The following LRMDA variants were observed in gnomAD, a reference collection of about 807,000 sequenced individuals.
The protein encoded by LRMDA is leucine rich melanocyte differentiation associated, also known as leucine-rich melanocyte differentiation-associated protein.
A neutral mutation model predicts 29.8 loss-of-function variants in LRMDA; 18 were observed. That is an observed-to-expected ratio of 0.60 (90% CI 0.42 to 0.90). The LOEUF is 0.90. Ranked by LOEUF, LRMDA falls within the 40% of genes least tolerant of loss-of-function variation. LRMDA has a pLI of 0.00. For missense variants in LRMDA, 273 were observed against 273.9 expected (o/e 1.00, Z 0.02); for synonymous variants, 125 against 109.4 (o/e 1.14, Z -0.89).
chr10:75,743,987 C>T (rs1461733692), intron 2 of LRMDA, among the ~76,000 whole-genome samples: 1 of 152,160 alleles, frequency 6.6e-6, no homozygotes, highest in Non-Finnish European at 1.5e-5. Flanking sequence ...TAGGGGGTTT[C>T]CTGAGCTGCA....
intron 2 of LRMDA, among the ~76,000 whole-genome samples, chr10:75,558,402 T>C (rs1177405273): frequency 6.6e-6 from 1 of 152,194 alleles, no homozygotes; most frequent in Non-Finnish European, 1.5e-5. Flanking sequence ...CTTCAGTGTT[T>C]ACTTGACTTG....
intron 2 of LRMDA, among the ~76,000 whole-genome samples, chr10:75,658,238 G>A (rs1169235484): frequency 6.7e-6 from 1 of 149,094 alleles, no homozygotes; most frequent in Admixed American, 6.7e-5. Flanking sequence ...ACTGCACGCT[G>A]TGTGAATGAG....
chr10:75,698,968 A>C (rs900967871), intron 2 of LRMDA, among the ~76,000 whole-genome samples: 3 of 152,178 alleles, frequency 2.0e-5, no homozygotes, highest in Non-Finnish European at 4.4e-5. Flanking sequence ...TGGGAGGCTG[A>C]GGCGGGTGGA....
At chr10:75,863,236 G>A (rs544129241) in intron 2 of LRMDA, among the ~76,000 whole-genome samples, 2 of 152,160 alleles carry the variant, frequency 1.3e-5, no homozygotes, top group Non-Finnish European at 2.9e-5. Flanking sequence ...GTTAGCGTTG[G>A]GGGGAGGGGA....
At chr10:76,177,176 CGGA>C (rs1850952331) in intron 5 of LRMDA, among the ~76,000 whole-genome samples, 1 of 152,286 alleles carries the variant, frequency 6.6e-6, no homozygotes, top group East Asian at 1.9e-4. Flanking sequence ...GCTTTTTAAT[CGGA>C]GAAGAATTTC....
At chr10:76,238,202 A>G (rs950942837) in intron 5 of LRMDA, among the ~76,000 whole-genome samples, 9 of 152,184 alleles carry the variant, frequency 5.9e-5, no homozygotes, top group Non-Finnish European at 1.0e-4. Flanking sequence ...CTAGAGGGGA[A>G]GAGAGAAACT....
At chr10:76,289,129 C>T (rs1840307782) in intron 5 of LRMDA, among the ~76,000 whole-genome samples, 1 of 152,106 alleles carries the variant, frequency 6.6e-6, no homozygotes, top group Non-Finnish European at 1.5e-5. Context: ...GATTAGAGAA[C>T]ATTGATGGTA....
At chr10:76,018,723 A>ATGTG (rs3042523) in intron 2 of LRMDA, among the ~76,000 whole-genome samples, 88,840 of 151,252 alleles carry the variant, frequency 0.59, 26,537 homozygotes, top group South Asian at 0.66. Context: ...GTGCGCCACC[A>ATGTG]TGTGCAGCTG....
intron 5 of LRMDA, among the ~76,000 whole-genome samples, chr10:76,290,084 C>T (rs528946780): frequency 1.3e-5 from 2 of 152,286 alleles, no homozygotes; most frequent in South Asian, 2.1e-4. Context: ...TTCATGCATA[C>T]CTATCCCTGC....
intron 6 of LRMDA, among the ~76,000 whole-genome samples, chr10:76,450,511 G>C (rs1842395276): frequency 6.6e-6 from 1 of 151,730 alleles, no homozygotes; most frequent in Admixed American, 6.6e-5. Flanking sequence ...TCTTTCTCTG[G>C]GGCAATTTCT....
chr10:75,506,196 A>AC (rs1423326549), intron 2 of LRMDA, among the ~76,000 whole-genome samples: 2 of 152,116 alleles, frequency 1.3e-5, no homozygotes, highest in African/African-American at 4.8e-5. Flanking sequence ...AGGCTGAGTG[A>AC]CCCCAAACAT....
intron 5 of LRMDA, among the ~76,000 whole-genome samples, chr10:76,267,703 G>T (rs1343637013): frequency 6.6e-6 from 1 of 152,164 alleles, no homozygotes; most frequent in Non-Finnish European, 1.5e-5. Context: ...ATTCTGGAAT[G>T]AAGATGTGGA....
intron 5 of LRMDA, among the ~76,000 whole-genome samples, chr10:76,144,029 G>C (rs181635051): frequency 0.013 from 2,009 of 152,164 alleles, 38 homozygotes; most frequent in African/African-American, 0.046. Context: ...TCTGAGGGCT[G>C]TGTTCTGTTC....
intron 6 of LRMDA, among the ~76,000 whole-genome samples, chr10:76,477,379 C>G (rs1185991852): frequency 6.6e-6 from 1 of 152,062 alleles, no homozygotes; most frequent in Non-Finnish European, 1.5e-5. Context: ...GAACTACAAA[C>G]CACTGCTCAA....
At chr10:76,446,426 A>G (rs1357655646) in intron 6 of LRMDA, among the ~76,000 whole-genome samples, 1 of 152,206 alleles carries the variant, frequency 6.6e-6, no homozygotes, top group Non-Finnish European at 1.5e-5. Context: ...TTGTGTCTGT[A>G]CTGAACATGA....
At chr10:76,217,805 A>G (rs1192132517) in intron 5 of LRMDA, among the ~76,000 whole-genome samples, 1 of 152,174 alleles carries the variant, frequency 6.6e-6, no homozygotes, top group Non-Finnish European at 1.5e-5. Flanking sequence ...TATTAAATAC[A>G]AACAGTGCAT....
intron 2 of LRMDA, among the ~76,000 whole-genome samples, chr10:75,907,272 T>C (rs1845773760): frequency 6.6e-6 from 1 of 152,252 alleles, no homozygotes; most frequent in Admixed American, 6.5e-5. Flanking sequence ...AAATTTGTCA[T>C]GTTTAATTGC....
chr10:75,487,455 C>T (rs1314581206), intron 2 of LRMDA, among the ~76,000 whole-genome samples: 1 of 152,148 alleles, frequency 6.6e-6, no homozygotes, highest in African/African-American at 2.4e-5. Context: ...GGTGAGTGCT[C>T]CATCACTCAA....
chr10:76,165,535 G>A (rs1386913035), intron 5 of LRMDA, among the ~76,000 whole-genome samples: 1 of 152,172 alleles, frequency 6.6e-6, no homozygotes, highest in African/African-American at 2.4e-5. Flanking sequence ...GCCTCTCAAA[G>A]TGCTGGGATT....
Sources: gnomAD v4.1 joint callset for allele counts (sites outside exome capture counted in the v4.1 genomes callset) on GRCh38, gnomAD v4.1.1 for gene constraint, MANE v1.5 for transcripts, NCBI Gene and HGNC (gene_info 2026-07-23, HGNC 2026-07-21) for gene names.